Variants in ELMO1 observed in about 807,000 individuals in gnomAD.
ELMO1 encodes engulfment and cell motility 1, also known as engulfment and cell motility protein 1.
Under a neutral mutation model 98.9 loss-of-function variants are expected in ELMO1, and 26 were observed. That is an observed-to-expected ratio of 0.26 (90% confidence interval 0.19 to 0.36). ELMO1 has a LOEUF of 0.36. Ranked by LOEUF, ELMO1 falls within the 10% of genes least tolerant of loss-of-function variation. The pLI is 1.00. For missense variants in ELMO1, 627 were observed against 935.2 expected, an observed-to-expected ratio of 0.67 and a Z score of 4.30; for synonymous variants, 346 against 346.0, an observed-to-expected ratio of 1.00 and a Z score of 0.00.
At chr7:37,396,420 T>G (rs1470339671) in intron 1 of ELMO1, among the ~76,000 whole-genome samples, 1 of 151,994 alleles carries the variant, frequency 6.6e-6, no homozygotes. Context: ...AAATGTATAA[T>G]GCATGTCAGA....
rs569345259 is a variant in ELMO1 at position 37,166,457 on chromosome 7, T to A, written c.1087-33223A>T. ...GGTGTCAATTTTGGATCTTTCCTGC[T>A]TTCTCTTGTGGACATTTAGTGCTAT... is the stretch of plus-strand genomic sequence containing the variant. On this transcript the variant is annotated intron_variant, in intron 13 of 21. Transcript: ENST00000310758. Among the ~76,000 whole-genome samples the A allele has an allele frequency of 1.3e-3, 198 of 152,292 alleles. 2 individuals are homozygous for A. The highest frequency in any genetic ancestry group is 4.3e-3 in the African/African-American group (180 of 41,570).
intron 15 of ELMO1, among the ~76,000 whole-genome samples, chr7:37,032,861 T>G (rs1463985605): frequency 1.3e-5 from 2 of 152,032 alleles, no homozygotes; most frequent in Non-Finnish European, 2.9e-5. Flanking sequence ...CAAGATAAAG[T>G]GCAGTGAGTT....
At chr7:37,404,517 T>C (rs1803671775) in intron 1 of ELMO1, among the ~76,000 whole-genome samples, 1 of 152,234 alleles carries the variant, frequency 6.6e-6, no homozygotes, top group Non-Finnish European at 1.5e-5. Context: ...TGCTTCTCCA[T>C]GTTAACGGAA....
chr7:37,118,131 G>A (rs1293569153), intron 14 of ELMO1, among the ~76,000 whole-genome samples: 3 of 152,104 alleles, frequency 2.0e-5, no homozygotes, highest in Admixed American at 2.0e-4. Context: ...TTGGGGAACC[G>A]CCAAATTCCC....
chr7:37,005,629 T>C (rs1050401005), intron 16 of ELMO1, among the ~76,000 whole-genome samples: 15 of 144,592 alleles, frequency 1.0e-4, no homozygotes, highest in African/African-American at 5.2e-5. Context: ...GATGCAGAGG[T>C]TGCAGTGAGC....
chr7:36,982,588 A>G (rs2129144716), intron 16 of ELMO1, among the ~76,000 whole-genome samples: 1 of 152,344 alleles, frequency 6.6e-6, no homozygotes, highest in Non-Finnish European at 1.5e-5. Flanking sequence ...CATACCTCGT[A>G]TAATACTAGA....
chr7:36,879,888 C>G (rs1804288896), intron 18 of ELMO1, among the ~76,000 whole-genome samples: 1 of 152,210 alleles, frequency 6.6e-6, no homozygotes, highest in Non-Finnish European at 1.5e-5. Flanking sequence ...AATTCACAGA[C>G]ATTTAAATTA....
intron 13 of ELMO1, among the ~76,000 whole-genome samples, chr7:37,210,689 C>T (rs1001632846): frequency 4.0e-5 from 6 of 151,504 alleles, no homozygotes; most frequent in Non-Finnish European, 5.9e-5. Context: ...TTCTAATCAC[C>T]GAAGCCAAAA....
At chr7:37,418,473 T>C (rs1804326025) in intron 1 of ELMO1, among the ~76,000 whole-genome samples, 1 of 152,102 alleles carries the variant, frequency 6.6e-6, no homozygotes, top group Admixed American at 6.5e-5. Context: ...GCCCAGTACA[T>C]TGCAATAAGG....
chr7:37,409,615 A>G (rs2131492020), intron 1 of ELMO1, among the ~76,000 whole-genome samples: 1 of 152,320 alleles, frequency 6.6e-6, no homozygotes, highest in Admixed American at 6.5e-5. Context: ...CCCGTGGGCC[A>G]GAGGCCTCAA....
At chr7:37,369,640 T>C (rs1802034601) in intron 1 of ELMO1, among the ~76,000 whole-genome samples, 1 of 149,502 alleles carries the variant, frequency 6.7e-6, no homozygotes, top group Non-Finnish European at 1.5e-5. Context: ...GTAAGAAGGA[T>C]TTCTTAAGCA....
chr7:37,304,359 G>T (rs372551817), intron 4 of ELMO1, among the ~76,000 whole-genome samples: 16 of 152,260 alleles, frequency 1.1e-4, no homozygotes, highest in African/African-American at 3.8e-4. Context: ...GGGTGTGTGT[G>T]TGTGCGTGTG....
chr7:37,188,026 A>T (rs183809572), intron 13 of ELMO1, among the ~76,000 whole-genome samples: 6 of 151,964 alleles, frequency 3.9e-5, no homozygotes, highest in African/African-American at 9.6e-5. Context: ...CACAGAGTTT[A>T]AAAAAAAGCA....
At chr7:37,155,849 G>A (rs188642800) in intron 13 of ELMO1, among the ~76,000 whole-genome samples, 13 of 152,018 alleles carry the variant, frequency 8.6e-5, no homozygotes, top group East Asian at 1.9e-4. Flanking sequence ...AGAACTCTCC[G>A]CCCCAAATTA....
intron 16 of ELMO1, among the ~76,000 whole-genome samples, chr7:36,899,136 G>C (rs1250476788): frequency 6.6e-6 from 1 of 152,176 alleles, no homozygotes; most frequent in Non-Finnish European, 1.5e-5. Flanking sequence ...GGAGAAATGA[G>C]GGAGCTGCAA....
At chr7:36,986,262 TATTTAGC>T in intron 16 of ELMO1, 4 of 985,392 alleles carry the variant, frequency 4.1e-6, no homozygotes, top group Non-Finnish European at 4.8e-6. Flanking sequence ...CCTGCTCATT[TATTTAGC>T]ATCTTCAGAG....
Position 37,123,594 on chromosome 7 carries a change from T to C in ELMO1, c.1191+9536A>G, listed in dbSNP as rs181390376. Reference sequence around the variant, plus strand: ...CTCCCAAGACTAAACCAGGAAGACGTTGAATCTCTGAATAGACCAATAACA... The same window carrying C: ...CTCCCAAGACTAAACCAGGAAGACGCTGAATCTCTGAATAGACCAATAACA... On this transcript the variant is annotated intron_variant, in intron 14 of 21. Transcript: ENST00000310758. 6.9e-3 allele frequency among the ~76,000 whole-genome samples: 1,058 copies of C among 152,264 alleles called. 12 individuals are homozygous for C. The highest frequency in any genetic ancestry group is 0.024 in the African/African-American group (1,001 of 41,538).
intron 14 of ELMO1, among the ~76,000 whole-genome samples, chr7:37,128,725 G>T (rs1786697541): frequency 1.3e-5 from 2 of 152,054 alleles, no homozygotes; most frequent in Admixed American, 1.3e-4. Flanking sequence ...ATTTATCATG[G>T]TCAAGAGACT....
intron 16 of ELMO1, among the ~76,000 whole-genome samples, chr7:37,002,836 G>A (rs1792777471): frequency 6.6e-6 from 1 of 152,196 alleles, no homozygotes; most frequent in African/African-American, 2.4e-5. Context: ...TACAGAAAGA[G>A]CAAGGCTCTG....
Sources: gnomAD v4.1 joint callset for allele counts (sites outside exome capture counted in the v4.1 genomes callset) on GRCh38, gnomAD v4.1.1 for gene constraint, MANE v1.5 for transcripts, NCBI Gene and HGNC (gene_info 2026-07-23, HGNC 2026-07-21) for gene names.